KALRN: variants seen among roughly 807,000 people sequenced by gnomAD.
The protein encoded by KALRN is kalirin.
KALRN carries 70 observed loss-of-function variants against 353.7 expected under a neutral mutation model. The observed-to-expected ratio is 0.20, with a 90% CI of 0.16 to 0.24. The LOEUF is 0.24. Among genes scored for constraint, KALRN ranks in the 10% least tolerant of loss-of-function variants. The pLI is 1.00. For missense variants in KALRN, 2,791 were observed against 3,756.7 expected, an observed-to-expected ratio of 0.74 and a Z score of 6.72; for synonymous variants, 1,391 against 1,434.8, an observed-to-expected ratio of 0.97 and a Z score of 0.69.
rs61485429 is a variant in KALRN at position 124,411,433 on chromosome 3, C to CT, written c.2347-2009dup. Reference sequence around the variant, plus strand: ...AAGCCTATGTATACTTTAAATTATGCTTTTTTTTTTTTTTTTTTTTTTTTT... The same window carrying CT: ...AAGCCTATGTATACTTTAAATTATGCTTTTTTTTTTTTTTTTTTTTTTTTTT... On this transcript the variant is annotated intron_variant, in intron 13 of 59. Coordinates refer to ENST00000682506, the MANE Select transcript of KALRN (RefSeq NM_001388419.1). Among the ~76,000 whole-genome samples the CT allele has an allele frequency of 2.0e-3, 101 of 51,490 alleles. 9 individuals carry two copies. Among genetic ancestry groups the CT allele is most frequent in the African/African-American group, 5.3e-3 (85 of 15,940 alleles). The allele number at this position is 51,490 out of a possible 152,430, so 33.8% of individuals were successfully genotyped here. A position where few individuals can be genotyped will look rare whatever the true frequency, so the allele number is the denominator to read the frequency against.
intron 13 of KALRN, among the ~76,000 whole-genome samples, chr3:124,411,913 G>C (rs755372849): frequency 3.3e-5 from 5 of 152,098 alleles, no homozygotes; most frequent in Non-Finnish European, 7.4e-5. Flanking sequence ...GTAATACTGG[G>C]TTTTCCTGCT....
rs546902642 is a variant in KALRN at position 124,141,184 on chromosome 3, A to G, written c.74-86806A>G. 3.9e-5 allele frequency among the ~76,000 whole-genome samples: 6 copies of G among 152,246 alleles called. No homozygotes were observed. The East Asian group carries it at 1.2e-3, about 29-fold the overall frequency. On this transcript the variant is annotated intron_variant, in intron 1 of 59. Transcript: ENST00000682506. ...TTCAGACTCTCTTCATCCCATGCCT[A>G]ATAGCTCCTTCCCTGGCTTTCTGAA...
At position 124,717,396 on chromosome 3, in the gene KALRN, G is replaced by A. The variant is rs765957570; in HGVS notation, c.8415+11G>A. 17 of 1,582,786 alleles carry A rather than the reference G, an allele frequency of 1.1e-5. No individual in the cohort carries two copies. Among genetic ancestry groups the A allele is most frequent in the Non-Finnish European group, 1.4e-5 (16 of 1,163,818 alleles). On this transcript the variant is annotated intron_variant, in intron 59 of 59. Coordinates refer to ENST00000682506, the MANE Select transcript of KALRN (RefSeq NM_001388419.1). ...CATTTGGACATAAAGGTAATAAGAA[G>A]TGGCAACCTGCTGGGCGCAGTGGCT... is the stretch of plus-strand genomic sequence containing the variant.
chr3:124,138,419 A>C (rs2066204591), intron 1 of KALRN, among the ~76,000 whole-genome samples: 1 of 152,198 alleles, frequency 6.6e-6, no homozygotes, highest in African/African-American at 2.4e-5. Context: ...TGTTGCCTTG[A>C]CAACTTTCTT....
rs2085407795 is a variant in KALRN at position 124,664,732 on chromosome 3, C to CTTGTTTTTGTTA, written c.6346-1717_6346-1716insTTGTTTTTGTTA. Among the ~76,000 whole-genome samples, 3 of 152,310 alleles carry CTTGTTTTTGTTA rather than the reference C, an allele frequency of 2.0e-5. No homozygotes were observed. In the South Asian group the frequency reaches 6.2e-4, roughly 32 times the overall value. ...CCCAGAATCAAGCTTTTAAGTTAAG[C>CTTGTTTTTGTTA]ACTGCTGTCTCTTGTTTTTGTCAAG... On this transcript the variant is annotated intron_variant, in intron 45 of 59. Transcript: ENST00000682506.
chr3:124,721,583 A>ATTTACTAAAAATCCTTTTAGTAAACAG lies in KALRN; in HGVS notation c.*2124_*2150dup, dbSNP rs2063355463. 6.6e-6 allele frequency: 1 copy of ATTTACTAAAAATCCTTTTAGTAAACAG among 152,224 alleles called. No homozygotes were observed. The highest frequency in any genetic ancestry group is 6.5e-5 in the Admixed American group (1 of 15,284). 9.4% of individuals were successfully genotyped at this position (152,224 alleles called of 1,614,324 possible). On this transcript the variant is annotated 3_prime_UTR_variant, in exon 60 of 60. Coordinates refer to ENST00000682506, the MANE Select transcript of KALRN (RefSeq NM_001388419.1). ...ATTGTGTTTAAAAAATTTAAAACAT[A>ATTTACTAAAAATCCTTTTAGTAAACAG]TTTACTAAAAATCCTTTTAGTAAAC... is the stretch of plus-strand genomic sequence containing the variant.
At chr3:124,043,952 A>T (rs925288033) in intron 1 of KALRN, among the ~76,000 whole-genome samples, 2 of 152,116 alleles carry the variant, frequency 1.3e-5, no homozygotes, top group Non-Finnish European at 2.9e-5. Context: ...CCTTCTGAGG[A>T]GGGGTCAATG....
intron 34 of KALRN, among the ~76,000 whole-genome samples, chr3:124,575,296 G>T (rs1054911319): frequency 6.6e-6 from 1 of 152,206 alleles, no homozygotes; most frequent in Non-Finnish European, 1.5e-5. Context: ...TACACAGGAG[G>T]GCGAACAGAT....
At chr3:124,232,148 A>C (rs1281454678) in intron 2 of KALRN, among the ~76,000 whole-genome samples, 2 of 152,118 alleles carry the variant, frequency 1.3e-5, no homozygotes, top group African/African-American at 4.8e-5. Context: ...CTCCCTGGGC[A>C]TACCCCATTT....
rs369244623 is a variant in KALRN at position 124,111,416 on chromosome 3, C to T, written c.73+77603C>T. Among the ~76,000 whole-genome samples the T allele has an allele frequency of 1.8e-4, 27 of 152,244 alleles. 1 individual carries two copies. In the East Asian group the frequency reaches 5.0e-3, roughly 28 times the overall value. On this transcript the variant is annotated intron_variant, in intron 1 of 59. Coordinates refer to ENST00000682506, the MANE Select transcript of KALRN (RefSeq NM_001388419.1). ...AGTCACTGGAAGGGGATGCAATTTCCGTGATTGGTGTAATGTAGTCAGCAT... is the reference window on the plus strand; with the variant it reads ...AGTCACTGGAAGGGGATGCAATTTCTGTGATTGGTGTAATGTAGTCAGCAT...
chr3:124,069,260 C>T (rs1349119458), intron 1 of KALRN, among the ~76,000 whole-genome samples: 2 of 146,602 alleles, frequency 1.4e-5, no homozygotes, highest in African/African-American at 5.2e-5. Flanking sequence ...TTTCTGTAGT[C>T]CACATTCTTT....
chr3:124,483,582 A>ATAAG (rs1395924911), intron 28 of KALRN, among the ~76,000 whole-genome samples: 3 of 152,142 alleles, frequency 2.0e-5, no homozygotes, highest in Non-Finnish European at 2.9e-5. Context: ...TAATAAATAA[A>ATAAG]TAAAAGGTCA....
chr3:124,543,583 G>A (rs1697070852), intron 33 of KALRN, among the ~76,000 whole-genome samples: 1 of 152,030 alleles, frequency 6.6e-6, no homozygotes, highest in African/African-American at 2.4e-5. Flanking sequence ...TTACAGGTGT[G>A]AGCCACCGCG....
At chr3:124,479,716 ATTTTTTTTTTTTTTT>A (rs142639039) in intron 27 of KALRN, among the ~76,000 whole-genome samples, 1 of 86,808 alleles carries the variant, frequency 1.2e-5, no homozygotes, top group African/African-American at 4.2e-5. Context: ...ACGATCCAGA[ATTTTTTTTTTTTTTT>A]TTTTTTTTTT....
chr3:124,635,215 G>A (rs1392709453), intron 36 of KALRN, among the ~76,000 whole-genome samples: 2 of 152,174 alleles, frequency 1.3e-5, no homozygotes, highest in East Asian at 3.9e-4. Context: ...AAGTGCTGGT[G>A]CTTCACCTTG....
chr3:124,529,990 G>A (rs1432256415), intron 33 of KALRN, among the ~76,000 whole-genome samples: 23 of 152,128 alleles, frequency 1.5e-4, no homozygotes, highest in Non-Finnish European at 3.1e-4. Flanking sequence ...TTGCAAATGC[G>A]CTTCTCTCTG....
intron 10 of KALRN, among the ~76,000 whole-genome samples, chr3:124,365,989 C>T (rs538021260): frequency 1.4e-3 from 216 of 152,304 alleles, no homozygotes; most frequent in Non-Finnish European, 2.6e-3. Flanking sequence ...ATAACTAATG[C>T]TGGCATTGTG....
chr3:124,686,466 G>A (rs2061562329), intron 51 of KALRN, among the ~76,000 whole-genome samples: 1 of 152,210 alleles, frequency 6.6e-6, no homozygotes, highest in African/African-American at 2.4e-5. Flanking sequence ...AGCAGTGTGT[G>A]GGTTGGATGA....
intron 34 of KALRN, among the ~76,000 whole-genome samples, chr3:124,574,178 G>A (rs566373360): frequency 2.6e-5 from 4 of 152,304 alleles, no homozygotes; most frequent in East Asian, 3.9e-4. Flanking sequence ...GGACATGAAA[G>A]GGCTTAGAAT....
Sources: gnomAD v4.1 joint callset for allele counts (sites outside exome capture counted in the v4.1 genomes callset) on GRCh38, gnomAD v4.1.1 for gene constraint, MANE v1.5 for transcripts, NCBI Gene and HGNC (gene_info 2026-07-23, HGNC 2026-07-21) for gene names.